The following LIN28B variants were observed in gnomAD, a reference collection of about 807,000 sequenced individuals.
LIN28B encodes the protein lin-28 RNA binding posttranscriptional regulator B, also known as protein lin-28 homolog B.
In LIN28B, 5 loss-of-function variants were observed where a neutral mutation model predicts 21.9. The ratio of observed to expected loss-of-function variants is 0.23; its 90% CI spans 0.12 to 0.48. The LOEUF is 0.48. LIN28B is among the 20% of genes least tolerant of loss of function. LIN28B has a pLI of 0.98. For synonymous variants in LIN28B, 109 were observed against 111.3 expected (o/e 0.98, Z 0.13); for missense variants, 245 against 310.5 (o/e 0.79, Z 1.58).
At chr6:104,948,625 A>G (rs1455400925) in intron 2 of LIN28B, among the ~76,000 whole-genome samples, 3 of 152,240 alleles carry the variant, frequency 2.0e-5, no homozygotes, top group African/African-American at 7.2e-5. Flanking sequence ...AAAATTATAA[A>G]TATTTTACAG....
intron 3 of LIN28B, among the ~76,000 whole-genome samples, chr6:105,039,909 A>G (rs1440686130): frequency 1.3e-5 from 2 of 152,198 alleles, no homozygotes; most frequent in Non-Finnish European, 2.9e-5. Context: ...AATACACTCA[A>G]ACTTCCTAAG....
chr6:104,982,048 C>T (rs900197424), intron 2 of LIN28B, among the ~76,000 whole-genome samples: 9 of 152,134 alleles, frequency 5.9e-5, no homozygotes, highest in Non-Finnish European at 1.2e-4. Flanking sequence ...GGCGCAGTGG[C>T]TCACACCTGT....
chr6:104,959,945 A>G (rs529737672), intron 2 of LIN28B, among the ~76,000 whole-genome samples: 1 of 152,310 alleles, frequency 6.6e-6, no homozygotes, highest in South Asian at 2.1e-4. Flanking sequence ...ATGTTAAGAT[A>G]TTTTATTAAC....
chr6:104,996,634 A>G (rs757995999), intron 2 of LIN28B, among the ~76,000 whole-genome samples: 7 of 152,146 alleles, frequency 4.6e-5, no homozygotes, highest in Non-Finnish European at 8.8e-5. Flanking sequence ...GTAGAGGGGT[A>G]GTAAAGTAAG....
At chr6:104,961,981 T>C (rs1485323230) in intron 2 of LIN28B, among the ~76,000 whole-genome samples, 1 of 152,196 alleles carries the variant, frequency 6.6e-6, no homozygotes, top group Admixed American at 6.5e-5. Flanking sequence ...AACTACCTGT[T>C]GATGTTTGTT....
chr6:105,038,075 A>G (rs1471838432), intron 3 of LIN28B, among the ~76,000 whole-genome samples: 5 of 152,174 alleles, frequency 3.3e-5, no homozygotes. Context: ...GAAGGTACAA[A>G]CAGTACAAAC....
chr6:104,982,175 G>C (rs550962750), intron 2 of LIN28B, among the ~76,000 whole-genome samples: 20 of 152,098 alleles, frequency 1.3e-4, no homozygotes, highest in Admixed American at 3.9e-4. Flanking sequence ...CTTGCTGGGC[G>C]TGATGGCATA....
intron 2 of LIN28B, among the ~76,000 whole-genome samples, chr6:104,964,170 A>G (rs1769810586): frequency 6.6e-6 from 1 of 152,178 alleles, no homozygotes; most frequent in African/African-American, 2.4e-5. Context: ...GATTAACTTA[A>G]AAGTTGCTAC....
intron 2 of LIN28B, among the ~76,000 whole-genome samples, chr6:104,970,168 T>C (rs903707605): frequency 6.6e-6 from 1 of 152,204 alleles, no homozygotes; most frequent in African/African-American, 2.4e-5. Context: ...TTGTAAAACC[T>C]AATTTACACT....
Position 105,079,074 on chromosome 6 carries a change from A to G in LIN28B, c.*291A>G. 1 of 287,876 alleles carries G rather than the reference A, an allele frequency of 3.5e-6. No individual in the cohort carries two copies. 17.8% of individuals were successfully genotyped at this position (287,876 alleles called of 1,614,324 possible). A position where few individuals can be genotyped will look rare whatever the true frequency, so the allele number is the denominator to read the frequency against. ...TGAGGATTTTTATATAGGAATGTAG[A>G]CACATATATAAAGAGGCTTTGTCTT... On this transcript the variant is annotated 3_prime_UTR_variant, in exon 4 of 4. Transcript: ENST00000345080.
At chr6:104,992,066 T>C (rs1770497585) in intron 2 of LIN28B, among the ~76,000 whole-genome samples, 1 of 150,200 alleles carries the variant, frequency 6.7e-6, no homozygotes, top group African/African-American at 2.4e-5. Context: ...TCTGTTCACA[T>C]CTTGTTTTTT....
At chr6:105,020,107 CTTTTTTTT>C (rs1158938023) in intron 2 of LIN28B, among the ~76,000 whole-genome samples, 3 of 87,610 alleles carry the variant, frequency 3.4e-5, no homozygotes, top group African/African-American at 4.7e-5. Context: ...TCCTGTTATT[CTTTTTTTT>C]TTTTTTTTTT....
At chr6:104,956,763 T>C (rs1158882489), upstream of LIN28B, among the ~76,000 whole-genome samples, 1 of 152,198 alleles carries the variant, frequency 6.6e-6, no homozygotes, top group Admixed American at 6.5e-5. Context: ...ATGATTTTAG[T>C]CAGGCTTGTG....
intron 2 of LIN28B, chr6:104,939,353 G>GT (rs1318970920): frequency 6.6e-6 from 1 of 152,234 alleles, no homozygotes; most frequent in Non-Finnish European, 1.5e-5. Flanking sequence ...CATCTTTAAA[G>GT]TAAGTGGTAT....
At chr6:105,037,808 G>A (rs1464221840) in intron 3 of LIN28B, among the ~76,000 whole-genome samples, 1 of 151,972 alleles carries the variant, frequency 6.6e-6, no homozygotes. Flanking sequence ...ACTGCGCCCG[G>A]CCAAGAGTTA....
intron 3 of LIN28B, among the ~76,000 whole-genome samples, chr6:105,056,741 A>G (rs78395029): frequency 0.014 from 2,161 of 152,232 alleles, 66 homozygotes; most frequent in African/African-American, 0.049. Context: ...TCTCTCCAGT[A>G]TCCTGTCCCA....
At position 104,987,084 on chromosome 6, in the gene LIN28B, A is replaced by T. The variant is rs548215705; in HGVS notation, c.198+28798A>T. ...TCTCTACATTTTTATTTTGACTTTG[A>T]CAAATCCATGAACATGTTTGTCCTT... On this transcript the variant is annotated intron_variant, in intron 2 of 3. Transcript: ENST00000345080. 2.6e-5 allele frequency among the ~76,000 whole-genome samples: 4 copies of T among 152,306 alleles called. No individual in the cohort carries two copies. The South Asian group carries it at 6.2e-4, about 24-fold the overall frequency.
intron 2 of LIN28B, among the ~76,000 whole-genome samples, chr6:104,948,293 C>T (rs1009812257): frequency 6.6e-6 from 1 of 152,020 alleles, no homozygotes; most frequent in Non-Finnish European, 1.5e-5. Context: ...ATAGTGAAAC[C>T]CCATCTCTAC....
At chr6:105,048,251 G>A (rs1401246434) in intron 3 of LIN28B, among the ~76,000 whole-genome samples, 2 of 152,166 alleles carry the variant, frequency 1.3e-5, no homozygotes, top group Non-Finnish European at 2.9e-5. Flanking sequence ...TTCGTCAAAG[G>A]CCTTTTCTGC....
Sources: allele counts gnomAD v4.1 joint callset (sites outside exome capture counted in the v4.1 genomes callset), GRCh38; gene constraint gnomAD v4.1.1; transcripts MANE v1.5; gene names NCBI Gene and HGNC (gene_info 2026-07-23, HGNC 2026-07-21).